Variants in CFAP61 observed in about 807,000 individuals in gnomAD.
CFAP61 encodes cilia and flagella associated protein 61, also known as cilia- and flagella-associated protein 61.
CFAP61 carries 107 observed loss-of-function variants against 135.6 expected under a neutral mutation model. The ratio of observed to expected loss-of-function variants is 0.79; its 90% CI spans 0.67 to 0.93. The LOEUF is 0.93. CFAP61 is among the 40% of genes least tolerant of loss of function. The pLI is 0.00. For missense variants in CFAP61, 1,507 were observed against 1,556.2 expected (o/e 0.97, Z 0.53); for synonymous variants, 575 against 578.5 (o/e 0.99, Z 0.09).
intron 3 of CFAP61, among the ~76,000 whole-genome samples, chr20:20,073,177 C>CTA (rs1420999013): frequency 6.6e-6 from 1 of 152,186 alleles, no homozygotes; most frequent in Non-Finnish European, 1.5e-5. Context: ...GAGGCTAGTC[C>CTA]TATTCAGGAT....
intron 15 of CFAP61, among the ~76,000 whole-genome samples, chr20:20,194,192 A>C (rs1382829475): frequency 6.6e-6 from 1 of 152,056 alleles, no homozygotes; most frequent in East Asian, 1.9e-4. Flanking sequence ...TTTTAGATGG[A>C]TATTAGATCT....
chr20:20,239,546 G>A (rs1432807442), intron 18 of CFAP61, among the ~76,000 whole-genome samples: 1 of 152,160 alleles, frequency 6.6e-6, no homozygotes, highest in South Asian at 2.1e-4. Flanking sequence ...ATGCAGAGGC[G>A]ATATTTTAAG....
intron 13 of CFAP61, among the ~76,000 whole-genome samples, chr20:20,182,715 G>GAAGCAAT (rs2055193606): frequency 6.6e-6 from 1 of 151,724 alleles, no homozygotes; most frequent in Non-Finnish European, 1.5e-5. Flanking sequence ...CAATTGCTAT[G>GAAGCAAT]TAGAAGCAAT....
At chr20:20,071,353 G>A (rs547309150) in intron 3 of CFAP61, among the ~76,000 whole-genome samples, 4 of 151,840 alleles carry the variant, frequency 2.6e-5, no homozygotes, top group South Asian at 2.1e-4. Flanking sequence ...AGCACCTGCC[G>A]TCTACACAAT....
chr20:20,061,505 T>A (rs544335845), intron 2 of CFAP61, among the ~76,000 whole-genome samples: 45 of 152,074 alleles, frequency 3.0e-4, no homozygotes, highest in Non-Finnish European at 5.9e-4. Context: ...TCACCCAAAA[T>A]AAGGGCTAGT....
At chr20:20,348,741 A>G (rs2058727031) in intron 26 of CFAP61, among the ~76,000 whole-genome samples, 1 of 151,016 alleles carries the variant, frequency 6.6e-6, no homozygotes, top group East Asian at 1.9e-4. Context: ...CTATCATCTC[A>G]ATTGGTGCAG....
chr20:20,228,261 T>G lies in CFAP61; in HGVS notation c.1945T>G (p.Leu649Val). The G allele has an allele frequency of 6.2e-7, 1 of 1,609,420 alleles. No individual in the cohort carries two copies. Among genetic ancestry groups the G allele is most frequent in the Non-Finnish European group, 8.5e-7 (1 of 1,176,192 alleles). ...ATTTTTTTTCCAGATGAGTTATGCT[T>G]TAAACCATACAAACAGAAAACTAAC... ...AVSKDPMSYA[L>V]NHTNRKLTLE... The change falls in exon 18 of 27, where the codon TTA (leucine) becomes GTA (valine). Residue 649 changes from leucine to valine, a missense_variant. Transcript: ENST00000245957.
At chr20:20,185,257 T>A (rs2055414680) in intron 13 of CFAP61, among the ~76,000 whole-genome samples, 1 of 152,252 alleles carries the variant, frequency 6.6e-6, no homozygotes. Context: ...AATTTGAGTA[T>A]AAGAGTCTTG....
intron 8 of CFAP61, among the ~76,000 whole-genome samples, chr20:20,111,115 C>G (rs1052940763): frequency 2.0e-5 from 3 of 152,138 alleles, no homozygotes; most frequent in Non-Finnish European, 2.9e-5. Context: ...AATTTATAAT[C>G]ACCCCAATTT....
intron 26 of CFAP61, among the ~76,000 whole-genome samples, chr20:20,358,691 C>T (rs2059365741): frequency 6.6e-6 from 1 of 152,196 alleles, no homozygotes; most frequent in South Asian, 2.1e-4. Context: ...TCACTGACTG[C>T]TCTTTCCAAT....
chr20:20,101,589 GA>G lies in CFAP61; in HGVS notation c.859+2776del, dbSNP rs1432883357. On this transcript the variant is annotated intron_variant, in intron 8 of 26. Transcript: ENST00000245957. ...GACGGGTCTGCTACACAAGATACATGATGAGTTTTTTCACTTTATTTTTATT... is the reference window on the plus strand; with the variant it reads ...GACGGGTCTGCTACACAAGATACATGTGAGTTTTTTCACTTTATTTTTATT... 3.0e-5 allele frequency among the ~76,000 whole-genome samples: 4 copies of G among 133,196 alleles called. No individual in the cohort carries two copies. The East Asian group carries it at 5.4e-3, about 181-fold the overall frequency. 87.4% of individuals were successfully genotyped at this position (133,196 alleles called of 152,430 possible).
At chr20:20,100,115 A>G (rs1189193970) in intron 8 of CFAP61, among the ~76,000 whole-genome samples, 2 of 152,042 alleles carry the variant, frequency 1.3e-5, no homozygotes, top group African/African-American at 2.4e-5. Flanking sequence ...GTCTGGAACC[A>G]TAAGTTGTCA....
intron 8 of CFAP61, among the ~76,000 whole-genome samples, chr20:20,111,626 A>G (rs190461422): frequency 1.4e-3 from 210 of 152,338 alleles, no homozygotes; most frequent in Non-Finnish European, 2.3e-3. Context: ...AACTATGCAA[A>G]CAACTATATT....
At chr20:20,300,736 G>C (rs898352152) in intron 25 of CFAP61, among the ~76,000 whole-genome samples, 9 of 151,776 alleles carry the variant, frequency 5.9e-5, no homozygotes, top group African/African-American at 2.2e-4. Flanking sequence ...CTCCCAAGTA[G>C]GTGGGATTAC....
intron 17 of CFAP61, among the ~76,000 whole-genome samples, chr20:20,227,356 A>G (rs1011130954): frequency 6.6e-6 from 1 of 152,248 alleles, no homozygotes; most frequent in Admixed American, 6.5e-5. Context: ...ATTGTTTCCA[A>G]TGAGAAGTCA....
At chr20:20,078,381 A>G (rs2046205864) in intron 6 of CFAP61, among the ~76,000 whole-genome samples, 1 of 152,182 alleles carries the variant, frequency 6.6e-6, no homozygotes, top group Non-Finnish European at 1.5e-5. Flanking sequence ...GACATGTTAG[A>G]GAGTAGCGCT....
intron 25 of CFAP61, among the ~76,000 whole-genome samples, chr20:20,300,264 T>A (rs1323037358): frequency 6.6e-6 from 1 of 152,214 alleles, no homozygotes; most frequent in African/African-American, 2.4e-5. Flanking sequence ...TATCATTATT[T>A]TCGAGTGTAT....
chr20:20,236,716 A>T (rs1157905078), intron 18 of CFAP61, among the ~76,000 whole-genome samples: 1 of 152,184 alleles, frequency 6.6e-6, no homozygotes, highest in African/African-American at 2.4e-5. Flanking sequence ...ATTTGCCCAA[A>T]ACACAAAGCT....
At chr20:20,245,971 A>T in intron 18 of CFAP61, 146 bp from the exon 19 acceptor site, 1 of 609,756 alleles carries the variant, frequency 1.6e-6, no homozygotes, top group Non-Finnish European at 2.9e-6. Context: ...GGTTGGTTCT[A>T]TCTGAAGGTT....
Sources: gnomAD v4.1 joint callset for allele counts (sites outside exome capture counted in the v4.1 genomes callset) on GRCh38, gnomAD v4.1.1 for gene constraint, MANE v1.5 for transcripts, NCBI Gene and HGNC (gene_info 2026-07-23, HGNC 2026-07-21) for gene names.